RABEP2: variants seen among roughly 807,000 people sequenced by gnomAD.
RABEP2 encodes the protein rabaptin, RAB GTPase binding effector protein 2, also known as rab GTPase-binding effector protein 2.
RABEP2 carries 57 observed loss-of-function variants against 74.1 expected under a neutral mutation model. That is an observed-to-expected ratio of 0.77 (90% CI 0.62 to 0.96). RABEP2 has a LOEUF of 0.96. RABEP2 is among the 40% of genes least tolerant of loss of function. RABEP2 has a pLI of 0.00. For missense variants in RABEP2, 692 were observed against 756.3 expected (o/e 0.91, Z 1.00); for synonymous variants, 351 against 344.0 (o/e 1.02, Z -0.23).
chr16:28,912,406 CTTTTTT>C (rs58094012), intron 5 of RABEP2, among the ~76,000 whole-genome samples: 1 of 118,150 alleles, frequency 8.5e-6, no homozygotes, highest in African/African-American at 3.6e-5. Context: ...TTCTTTCTTT[CTTTTTT>C]TTTTTTTTTT....
At chr16:28,909,451 A>G (rs2152219034) in intron 7 of RABEP2, among the ~76,000 whole-genome samples, 1 of 152,118 alleles carries the variant, frequency 6.6e-6, no homozygotes, top group South Asian at 2.1e-4. Flanking sequence ...GGTGCCACAC[A>G]CCTATAACCC....
At chr16:28,909,722 C>T (rs1372162473) in intron 7 of RABEP2, among the ~76,000 whole-genome samples, 1 of 146,168 alleles carries the variant, frequency 6.8e-6, no homozygotes, top group African/African-American at 2.6e-5. Context: ...CACACCATTT[C>T]TTAAAAAAAA....
Position 28,914,371 on chromosome 16 carries a change from G to A in RABEP2, c.759C>T (p.Arg253=), listed in dbSNP as rs1388282916. ...CTTCCTGTTCAGGGCTCAGGCCCTG[G>A]CGGCTTTGGGGCAGGGAGGAGCTGC... ...VGSSSSLPQS[R]QGLSPEQEET... Residue 253 remains arginine, a synonymous_variant, in exon 5 of 13, where the codon CGC becomes CGT. Transcript: ENST00000358201. The A allele has an allele frequency of 6.8e-6, 11 of 1,613,348 alleles. No homozygotes were observed. The highest frequency in any genetic ancestry group is 9.3e-6 in the Non-Finnish European group (11 of 1,180,022).
chr16:28,924,129 AATC>A (rs1964502544), intron 2 of RABEP2: 4 of 494,964 alleles, frequency 8.1e-6, no homozygotes, highest in Non-Finnish European at 1.1e-5. Flanking sequence ...AGGGTTGATC[AATC>A]ATCAGTGAGG....
chr16:28,919,949 G>T lies in RABEP2; in HGVS notation c.275-6C>A, dbSNP rs780805145. The stretch of plus-strand genomic sequence containing the variant: ...TTCATAGCTGCTGATGGAGTCTGGT[G>T]GGGGAGAGGGAGGGTGGGAGAGAGG... On this transcript the variant is annotated splice_region_variant and splice_polypyrimidine_tract_variant and intron_variant, in intron 2 of 12. Transcript: ENST00000358201. 3 of 1,581,086 alleles carry T rather than the reference G, an allele frequency of 1.9e-6. No homozygotes were observed. Among genetic ancestry groups the T allele is most frequent in the South Asian group, 2.3e-5 (2 of 88,388 alleles).
At position 28,910,997 on chromosome 16, in the gene RABEP2, G is replaced by A; in HGVS notation, c.991-11C>T. On this transcript the variant is annotated splice_polypyrimidine_tract_variant and intron_variant, in intron 6 of 12. Coordinates refer to ENST00000358201, the MANE Select transcript of RABEP2 (RefSeq NM_024816.3). The stretch of plus-strand genomic sequence containing the variant: ...CAGGAGCACCTGCATCTGGGTTGGA[G>A]GGAGGGCGAAAGTGAGGGCAAGGGC... 1 of 1,610,210 alleles carries A rather than the reference G, an allele frequency of 6.2e-7. No individual in the cohort carries two copies. The highest frequency in any genetic ancestry group is 8.5e-7 in the Non-Finnish European group (1 of 1,177,502).
At position 28,905,720 on chromosome 16, in the gene RABEP2, T is replaced by C. The variant is rs1351526474; in HGVS notation, c.1475A>G (p.Gln492Arg). ...CSLRTEMERVQQEQSKAQLPD... is the reference protein window; with the variant it reads ...CSLRTEMERVRQEQSKAQLPD... ...CCCCCTCACCTTGCTCTGTTCCTGC[T>C]GCACCCGCTCCATCTCTGTCCTCAG... The change falls in exon 11 of 13, where the codon CAG (glutamine) becomes CGG (arginine). Residue 492 changes from glutamine (Q) to arginine (R), a missense_variant. Gln to Arg is a conservative substitution (Grantham distance 43, BLOSUM62 1). Coordinates refer to ENST00000358201, the MANE Select transcript of RABEP2 (RefSeq NM_024816.3). 1 of 1,613,922 alleles carries C rather than the reference T, an allele frequency of 6.2e-7. No homozygotes were observed. Among genetic ancestry groups the C allele is most frequent in the South Asian group, 1.1e-5 (1 of 91,086 alleles).
chr16:28,910,660 G>A (rs1162068992), intron 7 of RABEP2: 16 of 500,030 alleles, frequency 3.2e-5, no homozygotes, highest in Non-Finnish European at 5.3e-5. Flanking sequence ...TGGGAGTCTG[G>A]GATTAGCTCA....
rs773785266 is a variant in RABEP2, at chr16:28,905,687, C to G, written c.1491+17G>C. 1 of 1,613,096 alleles carries G rather than the reference C, an allele frequency of 6.2e-7. No homozygotes were observed. The highest frequency in any genetic ancestry group is 1.7e-5 in the Admixed American group (1 of 59,968). On this transcript the variant is annotated intron_variant, in intron 11 of 12. Coordinates refer to ENST00000358201, the MANE Select transcript of RABEP2 (RefSeq NM_024816.3). ...GCTGGGTCCCTCTCCTCCCAGTCCC[C>G]CTGCCCTCCCCCTCACCTTGCTCTG...
At chr16:28,924,932 G>A (rs1191684431) in intron 1 of RABEP2, 171 bp downstream of exon 1, 5 of 897,864 alleles carry the variant, frequency 5.6e-6, no homozygotes, top group South Asian at 1.4e-5. Context: ...CCCCTTCAAT[G>A]GCCGGGCCAC....
At chr16:28,913,783 T>TC (rs1964345722) in intron 5 of RABEP2, among the ~76,000 whole-genome samples, 1 of 148,146 alleles carries the variant, frequency 6.8e-6, no homozygotes, top group Admixed American at 6.8e-5. Context: ...GGCCTCTTTT[T>TC]TTTTTTTTTT....
At chr16:28,911,298 G>C (rs1378263128) in intron 5 of RABEP2, 119 bp from the exon 6 acceptor site, 5 of 892,102 alleles carry the variant, frequency 5.6e-6, no homozygotes, top group Non-Finnish European at 8.6e-6. Context: ...CAAATTACAG[G>C]CCCAGCCATC....
intron 2 of RABEP2, among the ~76,000 whole-genome samples, chr16:28,922,549 G>A (rs1335274058): frequency 1.3e-5 from 2 of 151,918 alleles, no homozygotes; most frequent in Admixed American, 6.6e-5. Context: ...GTGAAACCCC[G>A]TCTCTACTAA....
chr16:28,915,596 G>C (rs1358218333), intron 3 of RABEP2, among the ~76,000 whole-genome samples: 1 of 152,080 alleles, frequency 6.6e-6, no homozygotes, highest in African/African-American at 2.4e-5. Flanking sequence ...CCCGACTAGA[G>C]TGGAGTGGCA....
At chr16:28,907,876 T>C (rs1488291740) in intron 8 of RABEP2, among the ~76,000 whole-genome samples, 2 of 152,200 alleles carry the variant, frequency 1.3e-5, no homozygotes, top group Non-Finnish European at 2.9e-5. Context: ...TTCGGCTCAC[T>C]GCAACCTCCG....
chr16:28,905,517 C>G lies in RABEP2; in HGVS notation c.1492-4G>C. On this transcript the variant is annotated splice_region_variant and splice_polypyrimidine_tract_variant and intron_variant, in intron 11 of 12. Coordinates refer to ENST00000358201, the MANE Select transcript of RABEP2 (RefSeq NM_024816.3). The stretch of plus-strand genomic sequence containing the variant: ...AGAGGAGGTCTGGGAGCTGGGCCTG[C>G]GGGGACAGACACCACACTGAGCTGG... The G allele has an allele frequency of 6.2e-7, 1 of 1,608,492 alleles. No individual in the cohort carries two copies. Among genetic ancestry groups the G allele is most frequent in the South Asian group, 1.1e-5 (1 of 90,294 alleles).
chr16:28,914,380 G>C lies in RABEP2; in HGVS notation c.750C>G (p.Pro250=). The part of the protein sequence containing the change: ...GGGVGSSSSL[P]QSRQGLSPEQ... The stretch of plus-strand genomic sequence containing the variant: ...CAGGGCTCAGGCCCTGGCGGCTTTG[G>C]GGCAGGGAGGAGCTGCTGCCGACCC... The change falls in exon 5 of 13, where the codon CCC becomes CCG. Residue 250 remains proline (P), a synonymous_variant. Coordinates refer to ENST00000358201, the MANE Select transcript of RABEP2 (RefSeq NM_024816.3). The C allele has an allele frequency of 6.2e-7, 1 of 1,613,376 alleles. No individual in the cohort carries two copies. Among genetic ancestry groups the C allele is most frequent in the South Asian group, 1.1e-5 (1 of 91,076 alleles).
rs1291121737 is a variant in RABEP2 at position 28,919,816 on chromosome 16, G to C, written c.402C>G (p.Pro134=). The change falls in exon 3 of 13, where the codon CCC becomes CCG. Residue 134 remains proline (P), a synonymous_variant. Transcript: ENST00000358201. ...CCATCTGCTTCTCCAGGGAGTCCAG[G>C]GGGTAGGCCCGGGACAGCAGCTGCT... ...RLKQLLSRAY[P]LDSLEKQMEK... is the part of the protein sequence containing the mutation. 17 of 1,610,842 alleles carry C rather than the reference G, an allele frequency of 1.1e-5. No individual in the cohort carries two copies. In the East Asian group the frequency reaches 1.6e-4, roughly 15 times the overall value.
intron 1 of RABEP2, 77 bp downstream of exon 1, chr16:28,925,026 C>A (rs1964516501): frequency 5.5e-6 from 8 of 1,447,402 alleles, no homozygotes; most frequent in African/African-American, 1.4e-5. Context: ...CCTCTCCACC[C>A]CCCATCCGCA....
Sources: allele counts gnomAD v4.1 joint callset (sites outside exome capture counted in the v4.1 genomes callset), GRCh38; gene constraint gnomAD v4.1.1; transcripts MANE v1.5; gene names NCBI Gene and HGNC (gene_info 2026-07-23, HGNC 2026-07-21).